Variants in NBEA observed in about 807,000 individuals in gnomAD.
NBEA encodes the protein lysosomal-trafficking regulator 2.
Under a neutral mutation model 343.4 loss-of-function variants are expected in NBEA, and 44 were observed. The ratio of observed to expected loss-of-function variants is 0.13; its 90% CI spans 0.10 to 0.16. The LOEUF is 0.16. Among genes scored for constraint, NBEA ranks in the 10% least tolerant of loss-of-function variants. The pLI, the probability that NBEA is intolerant of heterozygous loss-of-function variation, is 1.00. For synonymous variants in NBEA, 1,175 were observed against 1,238.7 expected (o/e 0.95, Z 1.08); for missense variants, 2,555 against 3,631.3 (o/e 0.70, Z 7.62).
intron 35 of NBEA, among the ~76,000 whole-genome samples, chr13:35,308,419 T>A (rs1555360972): frequency 7.1e-6 from 1 of 140,348 alleles, no homozygotes; most frequent in Non-Finnish European, 1.5e-5. Context: ...TAATTTTCAA[T>A]CCAAAACACT....
chr13:35,347,666 CCCT>C (rs1344976861), intron 36 of NBEA, among the ~76,000 whole-genome samples: 5 of 151,542 alleles, frequency 3.3e-5, no homozygotes, highest in Admixed American at 1.3e-4. Context: ...TATTATCTTC[CCCT>C]CCTCTTCCTC....
At chr13:35,162,889 A>T (rs1319855394) in intron 23 of NBEA, among the ~76,000 whole-genome samples, 1 of 152,168 alleles carries the variant, frequency 6.6e-6, no homozygotes, top group Admixed American at 6.5e-5. Flanking sequence ...AAAGTCTGCC[A>T]TAGAAAGATT....
In NBEA at chr13:35,604,280, T is replaced by C. The variant is rs114306186; in HGVS notation, c.7297-2146T>C. Reference sequence around the variant, plus strand: ...CCTCTTCTCCATTTCCCCGTTCATATTGGAGTCATTGAAAAATTATATTAA... The same window carrying C: ...CCTCTTCTCCATTTCCCCGTTCATACTGGAGTCATTGAAAAATTATATTAA... On this transcript the variant is annotated intron_variant, in intron 47 of 58. Coordinates refer to ENST00000379939, the MANE Select transcript of NBEA (RefSeq NM_001385012.1). 5.1e-3 allele frequency among the ~76,000 whole-genome samples: 783 copies of C among 152,358 alleles called. 11 individuals carry two copies. Among genetic ancestry groups the C allele is most frequent in the African/African-American group, 0.018 (734 of 41,596 alleles).
chr13:35,445,812 A>G lies in NBEA; in HGVS notation c.6305-6280A>G, dbSNP rs866762248. ...TATATATATATATATATATATATAT[A>G]TATATGTATATATATATATTATATT... On this transcript the variant is annotated intron_variant, in intron 39 of 58. Coordinates refer to ENST00000379939, the MANE Select transcript of NBEA (RefSeq NM_001385012.1). Among the ~76,000 whole-genome samples the G allele has an allele frequency of 2.3e-4, 23 of 100,202 alleles. No homozygotes were observed. The South Asian group carries it at 3.3e-3, about 14-fold the overall frequency. 65.7% of individuals were successfully genotyped at this position (100,202 alleles called of 152,430 possible).
intron 48 of NBEA, among the ~76,000 whole-genome samples, chr13:35,622,677 A>G (rs2153061799): frequency 6.6e-6 from 1 of 152,320 alleles, no homozygotes; most frequent in Non-Finnish European, 1.5e-5. Flanking sequence ...TGGCTTTCTG[A>G]TTATCTACTT....
chr13:35,472,777 C>T (rs1470264113), intron 41 of NBEA, among the ~76,000 whole-genome samples: 2 of 152,188 alleles, frequency 1.3e-5, no homozygotes, highest in Non-Finnish European at 2.9e-5. Context: ...CCTTTGTTTG[C>T]ATTTGGGCAG....
At chr13:34,988,439 G>C (rs1416223732) in intron 1 of NBEA, among the ~76,000 whole-genome samples, 1 of 151,250 alleles carries the variant, frequency 6.6e-6, no homozygotes, top group Non-Finnish European at 1.5e-5. Context: ...CTGAGCTGTG[G>C]TGGGGTCCAC....
intron 41 of NBEA, among the ~76,000 whole-genome samples, chr13:35,492,143 T>G (rs899292611): frequency 1.3e-5 from 2 of 151,834 alleles, no homozygotes; most frequent in Non-Finnish European, 2.9e-5. Flanking sequence ...GAGCTAAGCT[T>G]TGAGGATGCA....
At chr13:35,001,925 T>C (rs1219466942) in intron 1 of NBEA, among the ~76,000 whole-genome samples, 1 of 152,174 alleles carries the variant, frequency 6.6e-6, no homozygotes, top group Non-Finnish European at 1.5e-5. Context: ...TTACCCCATG[T>C]GCACAATTAT....
chr13:35,482,703 A>G (rs571263475), intron 41 of NBEA, among the ~76,000 whole-genome samples: 1 of 151,102 alleles, frequency 6.6e-6, no homozygotes, highest in African/African-American at 2.4e-5. Flanking sequence ...TTTAAGTTAG[A>G]TATGTCTGTG....
intron 38 of NBEA, among the ~76,000 whole-genome samples, chr13:35,391,287 A>G (rs543872461): frequency 4.6e-5 from 7 of 151,856 alleles, no homozygotes; most frequent in East Asian, 3.9e-4. Flanking sequence ...AAAAAAAAAA[A>G]AAGAAGAAGA....
intron 16 of NBEA, 33 bp from the exon 17 acceptor site, chr13:35,123,445 TAGTA>T (rs1012198190): frequency 8.2e-7 from 1 of 1,217,078 alleles, no homozygotes; most frequent in South Asian, 2.0e-5. Flanking sequence ...TTTTTAATAT[TAGTA>T]AGTTTTTAAA....
chr13:35,174,614 A>G (rs1032061712), intron 27 of NBEA, among the ~76,000 whole-genome samples: 3 of 152,174 alleles, frequency 2.0e-5, no homozygotes, highest in South Asian at 4.1e-4. Flanking sequence ...GTCAGAGAAC[A>G]TTTGTAATTT....
At chr13:35,032,261 C>G (rs1191855231) in intron 1 of NBEA, among the ~76,000 whole-genome samples, 1 of 151,810 alleles carries the variant, frequency 6.6e-6, no homozygotes, top group East Asian at 1.9e-4. Flanking sequence ...ATTTACACTC[C>G]CACCAACAGC....
intron 30 of NBEA, among the ~76,000 whole-genome samples, chr13:35,184,325 G>A (rs1045360658): frequency 3.9e-5 from 6 of 151,902 alleles, no homozygotes; most frequent in African/African-American, 1.4e-4. Flanking sequence ...CATAGTGGTA[G>A]CACTCAGGAG....
intron 41 of NBEA, among the ~76,000 whole-genome samples, chr13:35,507,858 T>C (rs1010658017): frequency 6.6e-6 from 1 of 152,188 alleles, no homozygotes; most frequent in Admixed American, 6.5e-5. Flanking sequence ...TTTTCCATCA[T>C]CATAATTCAT....
intron 38 of NBEA, among the ~76,000 whole-genome samples, chr13:35,430,405 C>T (rs1219029360): frequency 6.6e-6 from 1 of 152,088 alleles, no homozygotes; most frequent in East Asian, 1.9e-4. Context: ...GTTTACTCTA[C>T]TGATTATTTC....
intron 38 of NBEA, among the ~76,000 whole-genome samples, chr13:35,404,498 C>T (rs2043163491): frequency 6.6e-6 from 1 of 150,508 alleles, no homozygotes; most frequent in African/African-American, 2.5e-5. Flanking sequence ...TAAACTATCA[C>T]AAGAACAAAA....
chr13:35,021,215 T>TG (rs1466106804), intron 1 of NBEA, among the ~76,000 whole-genome samples: 6 of 152,182 alleles, frequency 3.9e-5, no homozygotes, highest in Admixed American at 6.5e-5. Context: ...ATCGGAATGG[T>TG]GGCACACCTT....
Sources: allele counts gnomAD v4.1 joint callset (sites outside exome capture counted in the v4.1 genomes callset), GRCh38; gene constraint gnomAD v4.1.1; transcripts MANE v1.5; gene names NCBI Gene and HGNC (gene_info 2026-07-23, HGNC 2026-07-21).